The following HYCC1 variants were observed in gnomAD, a reference collection of about 807,000 sequenced individuals.
HYCC1 encodes hyccin.
the HYCC1 span, among the ~76,000 whole-genome samples, chr7:22,924,315 G>C: frequency 6.6e-6 from 1 of 152,148 alleles, no homozygotes; most frequent in African/African-American, 2.4e-5. Context: ...CATCTCACTG[G>C]GGAGTGCCGG....
chr7:22,930,545 T>C, the HYCC1 span, among the ~76,000 whole-genome samples: 1 of 151,964 alleles, frequency 6.6e-6, no homozygotes, highest in Non-Finnish European at 1.5e-5. Context: ...CTGCCAAACA[T>C]TTAAAGAATA....
At chr7:22,904,276 A>G in the HYCC1 span, among the ~76,000 whole-genome samples, 1 of 151,952 alleles carries the variant, frequency 6.6e-6, no homozygotes, top group Non-Finnish European at 1.5e-5. Context: ...CTAAAAGTAC[A>G]AAAACTTAGC....
chr7:22,942,035 C>T, the HYCC1 span: 7 of 152,036 alleles, frequency 4.6e-5, no homozygotes, highest in Non-Finnish European at 5.9e-5. Flanking sequence ...TGTGCCTAAA[C>T]GCAAATGTTA....
the HYCC1 span, chr7:22,964,556 T>C: frequency 3.7e-6 from 5 of 1,355,226 alleles, no homozygotes; most frequent in Non-Finnish European, 5.3e-6. Flanking sequence ...ATAAATGTAT[T>C]TCTAAAATTG....
chr7:23,011,293 A>G, the HYCC1 span, among the ~76,000 whole-genome samples: 1 of 152,084 alleles, frequency 6.6e-6, no homozygotes, highest in Non-Finnish European at 1.5e-5. Context: ...TCAACCCCCA[A>G]TCATCTCTCT....
chr7:22,976,008 T>C, the HYCC1 span, among the ~76,000 whole-genome samples: 1 of 152,170 alleles, frequency 6.6e-6, no homozygotes, highest in African/African-American at 2.4e-5. Context: ...ACATGAGCTA[T>C]CGCATCCGGC....
At chr7:22,983,709 A>G in the HYCC1 span, 1 of 491,798 alleles carries the variant, frequency 2.0e-6, no homozygotes. Flanking sequence ...AGTGACATAG[A>G]CTTTTCAAAG....
the HYCC1 span, among the ~76,000 whole-genome samples, chr7:22,902,844 C>A: frequency 1.3e-5 from 2 of 151,924 alleles, no homozygotes; most frequent in East Asian, 1.9e-4. Context: ...ATTTTAGTGA[C>A]CTTGAGATAA....
At chr7:22,963,322 A>G in the HYCC1 span, among the ~76,000 whole-genome samples, 1 of 152,220 alleles carries the variant, frequency 6.6e-6, no homozygotes, top group Non-Finnish European at 1.5e-5. Context: ...GACGGACAAC[A>G]TGCATGAACA....
chr7:22,924,409 G>C, the HYCC1 span, among the ~76,000 whole-genome samples: 32 of 152,140 alleles, frequency 2.1e-4, no homozygotes, highest in African/African-American at 7.5e-4. Flanking sequence ...GAAACACAAG[G>C]GGTCAGGGAA....
chr7:22,928,563 T>C, the HYCC1 span, among the ~76,000 whole-genome samples: 2 of 152,054 alleles, frequency 1.3e-5, no homozygotes, highest in South Asian at 2.1e-4. Flanking sequence ...GAGAGCCAAA[T>C]CACGAGTGAA....
chr7:22,924,194 A>AG, the HYCC1 span, among the ~76,000 whole-genome samples: 1 of 148,196 alleles, frequency 6.7e-6, no homozygotes, highest in Non-Finnish European at 1.5e-5. Flanking sequence ...AAAAAAAAAA[A>AG]AGGGGGGTGG....
the HYCC1 span, chr7:23,014,037 T>G: frequency 2.1e-6 from 1 of 470,984 alleles, no homozygotes; most frequent in South Asian, 1.5e-5. Context: ...GCTCCCCTTC[T>G]TCCTAGCAGA....
the HYCC1 span, among the ~76,000 whole-genome samples, chr7:23,000,934 T>A: frequency 1.4e-4 from 21 of 147,008 alleles, no homozygotes; most frequent in African/African-American, 2.0e-4. Flanking sequence ...TTTTTTTTTT[T>A]ATCAAAGGAC....
the HYCC1 span, among the ~76,000 whole-genome samples, chr7:22,977,025 C>T: frequency 6.6e-6 from 1 of 152,196 alleles, no homozygotes; most frequent in South Asian, 2.1e-4. Flanking sequence ...ACAAATTCTA[C>T]CATGGAAATA....
the HYCC1 span, among the ~76,000 whole-genome samples, chr7:22,992,029 A>T: frequency 6.6e-6 from 1 of 152,082 alleles, no homozygotes; most frequent in Admixed American, 6.6e-5. Flanking sequence ...AGGGATAATG[A>T]CAGTACCTAT....
chr7:22,909,747 TC>T, the HYCC1 span, among the ~76,000 whole-genome samples: 2 of 152,214 alleles, frequency 1.3e-5, no homozygotes, highest in Non-Finnish European at 2.9e-5. Context: ...GACCCTTCTC[TC>T]CCTTACTCAC....
At chr7:22,946,326 T>C in the HYCC1 span, among the ~76,000 whole-genome samples, 2 of 152,110 alleles carry the variant, frequency 1.3e-5, no homozygotes, top group Non-Finnish European at 2.9e-5. Flanking sequence ...ACATTTATTA[T>C]AAAATGTCAA....
chr7:23,005,620 C>T, the HYCC1 span, among the ~76,000 whole-genome samples: 1 of 152,156 alleles, frequency 6.6e-6, no homozygotes, highest in Admixed American at 6.5e-5. Context: ...TCCTTAACCC[C>T]TTTTACAGTA....
Sources: gnomAD v4.1 joint callset for allele counts (sites outside exome capture counted in the v4.1 genomes callset) on GRCh38, gnomAD v4.1.1 for gene constraint, MANE v1.5 for transcripts, NCBI Gene and HGNC (gene_info 2026-07-23, HGNC 2026-07-21) for gene names.